BRCA2: variants seen among roughly 807,000 people sequenced by gnomAD.
The protein encoded by BRCA2 is BRCA2 DNA repair associated.
BRCA2 carries 203 observed loss-of-function variants against 276.7 expected under a neutral mutation model. The observed-to-expected ratio is 0.73, with a 90% CI of 0.65 to 0.82. The LOEUF (loss-of-function observed/expected upper bound fraction) is 0.82. Among genes scored for constraint, BRCA2 ranks in the 40% least tolerant of loss-of-function variants. The pLI, the probability that BRCA2 is intolerant of heterozygous loss-of-function variation, is 0.00. For missense variants in BRCA2, 3,920 were observed against 3,915.0 expected (o/e 1.00, Z -0.03); for synonymous variants, 1,289 against 1,338.4 (o/e 0.96, Z 0.81).
intron 8 of BRCA2, among the ~76,000 whole-genome samples, chr13:32,329,992 A>T (rs886701217): frequency 6.6e-6 from 1 of 152,130 alleles, no homozygotes; most frequent in Non-Finnish European, 1.5e-5. Flanking sequence ...ATTGTTCTGT[A>T]CTCATGTGGC....
Position 32,340,101 on chromosome 13 carries a change from C to T in BRCA2, c.5746C>T (p.His1916Tyr), listed in dbSNP as rs2137520497. The T allele has an allele frequency of 6.2e-7, 1 of 1,613,796 alleles. No individual in the cohort carries two copies. The highest frequency in any genetic ancestry group is 8.5e-7 in the Non-Finnish European group (1 of 1,179,826). ...NSLDNDECST[H>Y]SHKVFADIQS... is the part of the protein sequence containing the mutation. ...TCTAGATAATGATGAATGTAGCACGCATTCACATAAGGTTTTTGCTGACAT... is the reference window on the plus strand; with the variant it reads ...TCTAGATAATGATGAATGTAGCACGTATTCACATAAGGTTTTTGCTGACAT... Residue 1916 changes from histidine (H) to tyrosine (Y), a missense_variant, in exon 11 of 27, where the codon CAT (histidine) becomes TAT (tyrosine). Transcript: ENST00000380152.
At chr13:32,347,669 G>A (rs974581919) in intron 13 of BRCA2, among the ~76,000 whole-genome samples, 1 of 152,200 alleles carries the variant, frequency 6.6e-6, no homozygotes, top group Non-Finnish European at 1.5e-5. Context: ...ATGTCAAGCA[G>A]TGAGACCTAG....
rs796526268 is a variant in BRCA2, at chr13:32,344,242, TTA to T, written c.6842-312_6842-311del. Among the ~76,000 whole-genome samples, 32 of 151,658 alleles carry T rather than the reference TTA, an allele frequency of 2.1e-4. 1 individual carries two copies. The South Asian group carries it at 6.7e-3, about 32-fold the overall frequency. On this transcript the variant is annotated intron_variant, in intron 11 of 26. Transcript: ENST00000380152. The stretch of plus-strand genomic sequence containing the variant: ...GGCCTTATTGCCAGTAAACCTAGAG[TTA>T]TATTTAGTGTCAGTTTTTCAAAAAG...
intron 12 of BRCA2, among the ~76,000 whole-genome samples, chr13:32,346,437 A>G (rs565161305): frequency 6.6e-6 from 1 of 152,182 alleles, no homozygotes; most frequent in South Asian, 2.1e-4. Context: ...ATTTCCAACT[A>G]GTGGACTTAT....
chr13:32,330,400 A>G (rs2072380166), intron 8 of BRCA2, among the ~76,000 whole-genome samples: 1 of 152,156 alleles, frequency 6.6e-6, no homozygotes, highest in Admixed American at 6.5e-5. Context: ...GAGAACTTTC[A>G]CTGTTTCAAT....
intron 3 of BRCA2, among the ~76,000 whole-genome samples, chr13:32,322,916 A>C (rs761808245): frequency 5.3e-5 from 8 of 152,210 alleles, no homozygotes; most frequent in Non-Finnish European, 1.0e-4. Flanking sequence ...TATATTTTCA[A>C]CTCATTTTGG....
At chr13:32,353,937 A>G (rs1022975332) in intron 13 of BRCA2, among the ~76,000 whole-genome samples, 7 of 152,220 alleles carry the variant, frequency 4.6e-5, no homozygotes, top group Non-Finnish European at 7.3e-5. Context: ...CCTAGGAGAA[A>G]AATCGGGCAT....
rs558973276 is a variant in BRCA2, at chr13:32,337,705, T to C, written c.3350T>C (p.Ile1117Thr). The change falls in exon 11 of 27, where the codon ATA (isoleucine) becomes ACA (threonine). Residue 1117 changes from isoleucine (I) to threonine (T), a missense_variant. By Grantham distance (89) the Ile-to-Thr change is moderately conservative. This residue lies in a region of BRCA2 where 3,263 missense variants were observed against 3,156.9 expected (regional missense o/e 1.03). Coordinates refer to ENST00000380152, the MANE Select transcript of BRCA2 (RefSeq NM_000059.4). ...QKAEITELST[I>T]LEESGSQFEF... The stretch of plus-strand genomic sequence containing the variant: ...GCAGAAATTACAGAACTTTCTACTA[T>C]ATTAGAAGAATCAGGAAGTCAGTTT... The C allele has an allele frequency of 6.2e-7, 1 of 1,612,490 alleles. No individual in the cohort carries two copies. Among genetic ancestry groups the C allele is most frequent in the South Asian group, 1.1e-5 (1 of 90,660 alleles).
At position 32,394,894 on chromosome 13, in the gene BRCA2, C is replaced by T. The variant is rs2137654291; in HGVS notation, c.9462C>T (p.His3154=). The T allele has an allele frequency of 6.2e-7, 1 of 1,614,098 alleles. No individual in the cohort carries two copies. The highest frequency in any genetic ancestry group is 8.5e-7 in the Non-Finnish European group (1 of 1,179,974). The change falls in exon 25 of 27, where the codon CAC becomes CAT. Residue 3154 remains histidine, a synonymous_variant. Coordinates refer to ENST00000380152, the MANE Select transcript of BRCA2 (RefSeq NM_000059.4). Reference sequence around the variant, plus strand: ...TTTCTGCTAGTCCAAAAGAGGGCCACTTTCAAGAGACATTCAACAAAATGA... The same window carrying T: ...TTTCTGCTAGTCCAAAAGAGGGCCATTTTCAAGAGACATTCAACAAAATGA... ...SVFSASPKEG[H]FQETFNKMKN... is the part of the protein sequence containing the mutation.
intron 16 of BRCA2, among the ~76,000 whole-genome samples, chr13:32,361,284 G>A (rs2137574051): frequency 6.6e-6 from 1 of 152,322 alleles, no homozygotes. Flanking sequence ...AAAGTAAGAT[G>A]AGGACTGAGA....
rs730881596 is a variant in BRCA2, at chr13:32,371,114, T to C, written c.8632+14T>C. On this transcript the variant is annotated intron_variant, in intron 20 of 26. Transcript: ENST00000380152. ...AAGAACATGAAGGTAAAATTAGTTATATGGTACACATTGTTATTTCTAATA... is the reference window on the plus strand; with the variant it reads ...AAGAACATGAAGGTAAAATTAGTTACATGGTACACATTGTTATTTCTAATA... 3 of 1,611,604 alleles carry C rather than the reference T, an allele frequency of 1.9e-6. No individual in the cohort carries two copies. Among genetic ancestry groups the C allele is most frequent in the Non-Finnish European group, 2.5e-6 (3 of 1,178,002 alleles).
At position 32,362,525 on chromosome 13, in the gene BRCA2, C is replaced by T; in HGVS notation, c.7808C>T (p.Ala2603Val). 6.2e-7 allele frequency: 1 copy of T among 1,613,372 alleles called. No individual in the cohort carries two copies. Among genetic ancestry groups the T allele is most frequent in the Non-Finnish European group, 8.5e-7 (1 of 1,179,408 alleles). ...ATATTCTACTTTTATTTGTTCAGGG[C>T]TCTGTGTGACACTCCAGGTGTGGAT... ...GKAGKEEFYRALCDTPGVDPK... is the reference protein window; with the variant it reads ...GKAGKEEFYRVLCDTPGVDPK... The change falls in exon 17 of 27, where the codon GCT becomes GTT. Residue 2603 changes from alanine (A) to valine (V), a missense_variant and splice_region_variant. Coordinates refer to ENST00000380152, the MANE Select transcript of BRCA2 (RefSeq NM_000059.4).
intron 8 of BRCA2, among the ~76,000 whole-genome samples, chr13:32,330,025 G>A (rs2137459582): frequency 6.6e-6 from 1 of 152,210 alleles, no homozygotes; most frequent in East Asian, 1.9e-4. Context: ...AGCAGATGTG[G>A]CCTCTCCAGT....
Position 32,338,079 on chromosome 13 carries a change from A to C in BRCA2, c.3724A>C (p.Ser1242Arg). Residue 1242 changes from serine to arginine, a missense_variant, in exon 11 of 27, where the codon AGT becomes CGT. By Grantham distance (110) the Ser-to-Arg change is moderately radical (BLOSUM62 -1). This residue lies in a region of BRCA2 where 3,263 missense variants were observed against 3,156.9 expected (regional missense o/e 1.03). Coordinates refer to ENST00000380152, the MANE Select transcript of BRCA2 (RefSeq NM_000059.4). The part of the protein sequence containing the change: ...EALQKAVKLF[S>R]DIENISEETS... ...TCTGCAAAAAGCTGTGAAACTGTTT[A>C]GTGATATTGAGAATATTAGTGAGGA... is the stretch of plus-strand genomic sequence containing the variant. 1 of 1,611,048 alleles carries C rather than the reference A, an allele frequency of 6.2e-7. No homozygotes were observed. The highest frequency in any genetic ancestry group is 8.5e-7 in the Non-Finnish European group (1 of 1,178,940).
Position 32,346,184 on chromosome 13 carries a change from G to GT in BRCA2, c.6938-634dup, listed in dbSNP as rs199876527. On this transcript the variant is annotated intron_variant, in intron 12 of 26. Coordinates refer to ENST00000380152, the MANE Select transcript of BRCA2 (RefSeq NM_000059.4). ...CTTACTATAGGTAATCTTTTTTAGT[G>GT]TTTTTTTTTCAGGATTCTGTTTAAT... Among the ~76,000 whole-genome samples the GT allele has an allele frequency of 1.1e-3, 160 of 147,906 alleles. No individual in the cohort carries two copies. Among genetic ancestry groups the GT allele is most frequent in the African/African-American group, 3.2e-3 (127 of 40,270 alleles).
intron 11 of BRCA2, among the ~76,000 whole-genome samples, chr13:32,343,281 A>G (rs1236539328): frequency 1.3e-5 from 2 of 152,146 alleles, no homozygotes; most frequent in Non-Finnish European, 2.9e-5. Flanking sequence ...GTTAGTTGCA[A>G]TTAAAGCAAA....
intron 26 of BRCA2, among the ~76,000 whole-genome samples, 167 bp from the exon 27 acceptor site, chr13:32,397,995 A>G (rs1272893228): frequency 6.6e-6 from 1 of 152,138 alleles, no homozygotes; most frequent in Non-Finnish European, 1.5e-5. Flanking sequence ...ACTTTCATCT[A>G]GAATAGGAAT....
intron 10 of BRCA2, among the ~76,000 whole-genome samples, chr13:32,335,542 A>G (rs529846006): frequency 3.4e-4 from 52 of 152,140 alleles, no homozygotes; most frequent in Non-Finnish European, 6.2e-4. Context: ...GTTTTTTTCA[A>G]TGTGAAAGAA....
intron 20 of BRCA2, chr13:32,375,307 A>T (rs1437121963): frequency 4.9e-6 from 2 of 411,104 alleles, no homozygotes; most frequent in Non-Finnish European, 9.5e-6. Flanking sequence ...TTTACTTCTA[A>T]TTCTAGTTCT....
Sources: allele counts gnomAD v4.1 joint callset (sites outside exome capture counted in the v4.1 genomes callset), GRCh38; gene constraint gnomAD v4.1.1; regional missense constraint gnomAD v4.1.1; transcripts MANE v1.5; gene names NCBI Gene and HGNC (gene_info 2026-07-23, HGNC 2026-07-21).